SPATA22: variants seen among roughly 807,000 people sequenced by gnomAD.
SPATA22 encodes spermatogenesis associated 22, also known as spermatogenesis-associated protein 22.
SPATA22 carries 29 observed loss-of-function variants against 47.8 expected under a neutral mutation model. That is an observed-to-expected ratio of 0.61 (90% confidence interval 0.45 to 0.83). The LOEUF (loss-of-function observed/expected upper bound fraction) is 0.83, where lower values mean the gene tolerates loss of function less well. Ranked by LOEUF, SPATA22 falls within the 40% of genes least tolerant of loss-of-function variation. SPATA22 has a pLI of 0.00. For missense variants in SPATA22, 410 were observed against 421.7 expected (o/e 0.97, Z 0.24); for synonymous variants, 133 against 140.9 (o/e 0.94, Z 0.40).
At chr17:3,471,601 G>A (rs2073437051) in intron 1 of SPATA22, 81 bp downstream of exon 1, 2 of 985,014 alleles carry the variant, frequency 2.0e-6, no homozygotes. Context: ...GAGAGAAGAG[G>A]CTCCAGTCCG....
At chr17:3,476,178 G>A (rs1440803660), upstream of SPATA22, 12 of 1,613,768 alleles carry the variant, frequency 7.4e-6, no homozygotes, top group African/African-American at 5.3e-5. Context: ...TTGTCACATT[G>A]CTGAAGAACA....
chr17:3,503,068 C>T lies in SPATA22; in HGVS notation c.-74+10344G>A, dbSNP rs961179620. 60 of 152,318 alleles carry T rather than the reference C, an allele frequency of 3.9e-4. 1 individual carries two copies. Among genetic ancestry groups the T allele is most frequent in the African/African-American group, 1.4e-3 (59 of 41,564 alleles). The allele number at this position is 152,318 out of a possible 1,614,324, so 9.4% of individuals were successfully genotyped here. ...GGACGCCGCCCCCTCCCTCTCCAGCCCCACCAGGGCCCTCCCCGCCATCCT... is the reference window on the plus strand; with the variant it reads ...GGACGCCGCCCCCTCCCTCTCCAGCTCCACCAGGGCCCTCCCCGCCATCCT... On this transcript the variant is annotated intron_variant, in intron 1 of 8. Transcript: ENST00000541913.
chr17:3,473,132 C>T (rs1245388948), upstream of SPATA22, among the ~76,000 whole-genome samples: 1 of 147,536 alleles, frequency 6.8e-6, no homozygotes, highest in Admixed American at 6.8e-5. Flanking sequence ...AAAAAACCAC[C>T]TTAAGCCGAT....
At chr17:3,474,340 G>A (rs567155825), upstream of SPATA22, among the ~76,000 whole-genome samples, 3 of 152,312 alleles carry the variant, frequency 2.0e-5, no homozygotes, top group South Asian at 2.1e-4. Context: ...TGCCAGCTAC[G>A]AGTAAATAAC....
At chr17:3,470,382 G>A (rs919470835) in intron 1 of SPATA22, among the ~76,000 whole-genome samples, 1 of 152,142 alleles carries the variant, frequency 6.6e-6, no homozygotes, top group African/African-American at 2.4e-5. Flanking sequence ...CAGACAGACC[G>A]ACACATACAC....
intron 5 of SPATA22, among the ~76,000 whole-genome samples, chr17:3,454,736 T>C (rs79521823): frequency 0.23 from 34,729 of 150,784 alleles, 4,259 homozygotes; most frequent in East Asian, 0.42. Context: ...TCTTTGCTAT[T>C]GTGAATAGTG....
chr17:3,481,943 G>C, intron 1 of SPATA22: 1 of 743,634 alleles, frequency 1.3e-6, no homozygotes, highest in South Asian at 1.9e-5. Flanking sequence ...GTGGTTGGGG[G>C]GAAAGGGTGC....
chr17:3,478,184 CAA>C (rs1015063984), intron 1 of SPATA22, among the ~76,000 whole-genome samples: 18 of 139,124 alleles, frequency 1.3e-4, no homozygotes, highest in African/African-American at 3.2e-4. Flanking sequence ...GACTCCGTCT[CAA>C]AAAAAAAAAT....
chr17:3,446,325 G>T, intron 7 of SPATA22, 147 bp downstream of exon 7: 2 of 621,084 alleles, frequency 3.2e-6, no homozygotes, highest in Non-Finnish European at 5.1e-6. Flanking sequence ...TCTACCACAG[G>T]GACTATTATT....
chr17:3,470,602 T>C (rs2073406924), intron 1 of SPATA22, among the ~76,000 whole-genome samples: 1 of 151,128 alleles, frequency 6.6e-6, no homozygotes, highest in South Asian at 2.1e-4. Context: ...TACAAAAAAA[T>C]TAGCCGGGCG....
At chr17:3,510,960 C>A (rs2074105031) in intron 1 of SPATA22, 1 of 152,244 alleles carries the variant, frequency 6.6e-6, no homozygotes, top group Admixed American at 6.5e-5. Flanking sequence ...TTATTCCTAA[C>A]AGATATATCA....
intron 7 of SPATA22, among the ~76,000 whole-genome samples, chr17:3,445,669 C>T (rs2072710884): frequency 6.6e-6 from 1 of 152,068 alleles, no homozygotes; most frequent in South Asian, 2.1e-4. Context: ...CTATTGAATC[C>T]AATGTCACTT....
intron 5 of SPATA22, among the ~76,000 whole-genome samples, chr17:3,456,740 A>T (rs548261243): frequency 6.6e-5 from 10 of 152,006 alleles, no homozygotes; most frequent in African/African-American, 2.4e-4. Flanking sequence ...GCAGAGACAC[A>T]ACAAAAAAAG....
Position 3,471,795 on chromosome 17 carries a change from C to A in SPATA22, c.-187G>T. On this transcript the variant is annotated 5_prime_UTR_variant, in exon 1 of 9. Transcript: ENST00000572969. Reference sequence around the variant, plus strand: ...CCCCGTCAGCAACCGCCGCCCTTCCCGCCCGCGAAGAAAGCGCGGGAATCA... The same window carrying A: ...CCCCGTCAGCAACCGCCGCCCTTCCAGCCCGCGAAGAAAGCGCGGGAATCA... The A allele has an allele frequency of 1.0e-6, 1 of 985,548 alleles. No homozygotes were observed. The highest frequency in any genetic ancestry group is 1.1e-4 in the East Asian group (1 of 8,808). 61.1% of individuals were successfully genotyped at this position (985,548 alleles called of 1,614,324 possible).
rs1432277186 is a variant in SPATA22, at chr17:3,455,430, T to A, written c.330-6281A>T. 2.0e-5 allele frequency among the ~76,000 whole-genome samples: 3 copies of A among 150,430 alleles called. No individual in the cohort carries two copies. The East Asian group carries it at 5.8e-4, about 29-fold the overall frequency. On this transcript the variant is annotated intron_variant, in intron 5 of 8. Coordinates refer to ENST00000572969, the MANE Select transcript of SPATA22 (RefSeq NM_001170698.2). ...CTTCTAGGGTTTTTATGGTTTTAGG[T>A]CTAATGTTTAAGTCTTTAATCCATC...
upstream of SPATA22, among the ~76,000 whole-genome samples, chr17:3,474,568 A>G (rs2073494179): frequency 6.6e-6 from 1 of 152,254 alleles, no homozygotes; most frequent in South Asian, 2.1e-4. Context: ...ACAGACAGTC[A>G]AAGCCTACAG....
intron 1 of SPATA22, among the ~76,000 whole-genome samples, chr17:3,492,875 C>A (rs373590332): frequency 6.6e-6 from 1 of 151,972 alleles, no homozygotes; most frequent in Admixed American, 6.6e-5. Context: ...CCAGTGTAGA[C>A]GGAAGAAACT....
At chr17:3,498,256 T>C (rs114460326) in intron 1 of SPATA22, among the ~76,000 whole-genome samples, 88 of 152,372 alleles carry the variant, frequency 5.8e-4, no homozygotes, top group African/African-American at 2.0e-3. Context: ...AGGCAGACTA[T>C]GCACTTAGGT....
intron 5 of SPATA22, among the ~76,000 whole-genome samples, chr17:3,456,586 C>T (rs2073003308): frequency 6.6e-6 from 1 of 152,062 alleles, no homozygotes; most frequent in African/African-American, 2.4e-5. Context: ...AGTCCAGGAC[C>T]AGATGGATTC....
Sources: gnomAD v4.1 joint callset for allele counts (sites outside exome capture counted in the v4.1 genomes callset) on GRCh38, gnomAD v4.1.1 for gene constraint, MANE v1.5 for transcripts, NCBI Gene and HGNC (gene_info 2026-07-23, HGNC 2026-07-21) for gene names.